Variants in UGT2A1 observed in about 807,000 individuals in gnomAD.
UGT2A1 encodes UDP-glucuronosyltransferase 2A1.
UGT2A1 carries 61 observed loss-of-function variants against 45.4 expected under a neutral mutation model. The observed-to-expected ratio is 1.34, with a 90% CI of 1.09 to 1.66. The LOEUF (loss-of-function observed/expected upper bound fraction) is 1.66. Among genes scored for constraint, UGT2A1 ranks in the 40% most tolerant of loss-of-function variants. UGT2A1 has a pLI of 0.00. For synonymous variants in UGT2A1, 229 were observed against 196.2 expected, an observed-to-expected ratio of 1.17 and a Z score of -1.40; for missense variants, 649 against 574.3, an observed-to-expected ratio of 1.13 and a Z score of -1.33.
chr4:69,610,808 A>G (rs563050899), intron 3 of UGT2A1, among the ~76,000 whole-genome samples: 32 of 152,336 alleles, frequency 2.1e-4, no homozygotes, highest in African/African-American at 7.7e-4. Context: ...ACGTCTAGCC[A>G]TCAGAACTGT....
intron 2 of UGT2A1, chr4:69,639,603 A>G (rs1456344405): frequency 6.2e-7 from 1 of 1,606,016 alleles, no homozygotes; most frequent in South Asian, 1.1e-5. Flanking sequence ...CATCTGGACA[A>G]ACTTCTTAGG....
chr4:69,647,369 CA>C lies in UGT2A1; in HGVS notation c.275del (p.Leu92Ter). 1 of 1,613,248 alleles carries C rather than the reference CA, an allele frequency of 6.2e-7. No individual in the cohort carries two copies. The highest frequency in any genetic ancestry group is 8.5e-7 in the Non-Finnish European group (1 of 1,179,508). On this transcript the variant is annotated frameshift_variant, in exon 2 of 7. Transcript: ENST00000286604. LOFTEE classifies it high-confidence loss of function. ...GAGATGGTCTATTTTCCAGCCATGTCAAAACGAAGTCCTTAATTACTCCTTC... is the reference window on the plus strand; with the variant it reads ...GAGATGGTCTATTTTCCAGCCATGTCAAACGAAGTCCTTAATTACTCCTTC... ...RIEGVIKDFV[L>X]TWLENRPSPS...
rs11732515 is a variant in UGT2A1, at chr4:69,595,393, G to A, written c.997-144C>T. The A allele has an allele frequency of 4.6e-6, 4 of 865,590 alleles. No individual in the cohort carries two copies. In the East Asian group the frequency reaches 7.9e-5, roughly 17 times the overall value. The allele number at this position is 865,590 out of a possible 1,614,324, so 53.6% of individuals were successfully genotyped here. A position where few individuals can be genotyped will look rare whatever the true frequency, so the allele number is the denominator to read the frequency against. On this transcript the variant is annotated intron_variant, in intron 4 of 6. Transcript: ENST00000286604. ...TAGTTTACAAACGTTGAGATACGTA[G>A]TAGGACTGTTTATATGTACCTTTTT...
chr4:69,640,041 C>G (rs533269598), intron 2 of UGT2A1, among the ~76,000 whole-genome samples: 2 of 152,028 alleles, frequency 1.3e-5, no homozygotes, highest in Admixed American at 6.6e-5. Context: ...TATAGAATAG[C>G]TTTCTTCTCC....
intron 3 of UGT2A1, among the ~76,000 whole-genome samples, chr4:69,605,638 G>T (rs773714205): frequency 2.9e-5 from 4 of 136,306 alleles, no homozygotes; most frequent in Non-Finnish European, 4.7e-5. Context: ...CCAGGAGCTG[G>T]TTTTTTGAAA....
chr4:69,638,192 AGAG>A (rs1449839969), intron 2 of UGT2A1, among the ~76,000 whole-genome samples: 1 of 152,114 alleles, frequency 6.6e-6, no homozygotes, highest in African/African-American at 2.4e-5. Flanking sequence ...CCGAGTACTA[AGAG>A]ATCTGGAGGC....
At chr4:69,627,213 C>G (rs1188230303) in intron 3 of UGT2A1, among the ~76,000 whole-genome samples, 1 of 151,540 alleles carries the variant, frequency 6.6e-6, no homozygotes, top group African/African-American at 2.4e-5. Context: ...CAATGTTTAC[C>G]TATTTGATAA....
chr4:69,628,842 C>A (rs1721234634), intron 3 of UGT2A1, among the ~76,000 whole-genome samples: 1 of 151,064 alleles, frequency 6.6e-6, no homozygotes, highest in South Asian at 2.1e-4. Flanking sequence ...CTTTTACATA[C>A]TATTATGGTC....
intron 2 of UGT2A1, chr4:69,639,006 T>C (rs1721887997): frequency 3.1e-6 from 5 of 1,613,302 alleles, no homozygotes; most frequent in Non-Finnish European, 3.4e-6. Context: ...AAAGGTCATC[T>C]GGTCAGTGAG....
chr4:69,595,198 G>C lies in UGT2A1; in HGVS notation c.1048C>G (p.Gln350Glu), dbSNP rs1163322219. 1 of 1,613,836 alleles carries C rather than the reference G, an allele frequency of 6.2e-7. No individual in the cohort carries two copies. Among genetic ancestry groups the C allele is most frequent in the South Asian group, 1.1e-5 (1 of 91,074 alleles). ...TTCTGGGGTATCCAATCAAAGAGCT[G>C]AGTATTGTTTCCTAATGTGGCTGGT... ...KKPATLGNNT[Q>E]LFDWIPQNDL... The change falls in exon 5 of 7, where the codon CAG (glutamine) becomes GAG (glutamate). Residue 350 changes from glutamine (Q) to glutamate (E), a missense_variant. Physicochemically the swap from Gln to Glu is conservative, Grantham distance 29. Coordinates refer to ENST00000286604, the MANE Select transcript of UGT2A1 (RefSeq NM_001252275.3).
intron 3 of UGT2A1, among the ~76,000 whole-genome samples, chr4:69,602,625 C>G (rs1719361949): frequency 1.5e-5 from 2 of 137,102 alleles, no homozygotes; most frequent in South Asian, 4.7e-4. Flanking sequence ...AATTTCTGTG[C>G]ACAAGTAAAC....
intron 2 of UGT2A1, among the ~76,000 whole-genome samples, chr4:69,645,342 G>T (rs1173510368): frequency 1.3e-5 from 2 of 151,602 alleles, no homozygotes; most frequent in African/African-American, 4.8e-5. Flanking sequence ...TCGCTATCAG[G>T]GTTGATTGGG....
chr4:69,628,690 AT>A (rs1437339748), intron 3 of UGT2A1, among the ~76,000 whole-genome samples: 2 of 150,146 alleles, frequency 1.3e-5, no homozygotes, highest in East Asian at 3.9e-4. Flanking sequence ...GGAGAAAAAA[AT>A]AAAAGCATTT....
intron 3 of UGT2A1, among the ~76,000 whole-genome samples, chr4:69,628,897 T>C (rs1485006975): frequency 6.6e-6 from 1 of 151,752 alleles, no homozygotes; most frequent in African/African-American, 2.4e-5. Context: ...TAAGTTATAG[T>C]CTACACTGAG....
At position 69,646,970 on chromosome 4, in the gene UGT2A1, A is replaced by G; in HGVS notation, c.675T>C (p.Thr225=). 1 of 1,602,124 alleles carries G rather than the reference A, an allele frequency of 6.2e-7. No homozygotes were observed. The highest frequency in any genetic ancestry group is 8.5e-7 in the Non-Finnish European group (1 of 1,175,636). Residue 225 remains threonine, a synonymous_variant, in exon 2 of 7, where the codon ACT becomes ACC. Transcript: ENST00000286604. ...AGTATGAATCCCATGATTTCCAAAG[A>G]GTTTCAAACATGTAGTCCTGTAGGT... is the stretch of plus-strand genomic sequence containing the variant. ...SYHLQDYMFE[T]LWKSWDSYYS...
intron 3 of UGT2A1, among the ~76,000 whole-genome samples, chr4:69,609,959 T>C (rs977278502): frequency 5.3e-5 from 8 of 152,162 alleles, no homozygotes; most frequent in African/African-American, 1.9e-4. Flanking sequence ...TGTGTTTGTA[T>C]ACATTTCAAA....
At chr4:69,631,433 T>C (rs541717695) in intron 3 of UGT2A1, among the ~76,000 whole-genome samples, 3 of 152,292 alleles carry the variant, frequency 2.0e-5, no homozygotes, top group East Asian at 3.9e-4. Flanking sequence ...TACATCATCA[T>C]AAATTTTAAA....
Position 69,631,715 on chromosome 4 carries a change from G to C in UGT2A1, c.847+3976C>G, listed in dbSNP as rs1028590187. Among the ~76,000 whole-genome samples the C allele has an allele frequency of 2.0e-5, 3 of 152,140 alleles. No homozygotes were observed. The South Asian group carries it at 6.2e-4, about 32-fold the overall frequency. On this transcript the variant is annotated intron_variant, in intron 3 of 6. Coordinates refer to ENST00000286604, the MANE Select transcript of UGT2A1 (RefSeq NM_001252275.3). Reference sequence around the variant, plus strand: ...TTATCCCAGCTGACAACCTGAAAAAGAGAACAACTGTAGCCACTACATCAG... The same window carrying C: ...TTATCCCAGCTGACAACCTGAAAAACAGAACAACTGTAGCCACTACATCAG...
chr4:69,602,805 T>A (rs1466570510), intron 3 of UGT2A1, among the ~76,000 whole-genome samples: 1 of 137,018 alleles, frequency 7.3e-6, no homozygotes, highest in Non-Finnish European at 1.6e-5. Context: ...CATAAAGATG[T>A]CCATTCTCTA....
Sources: allele counts gnomAD v4.1 joint callset (sites outside exome capture counted in the v4.1 genomes callset), GRCh38; gene constraint gnomAD v4.1.1; transcripts MANE v1.5; gene names NCBI Gene and HGNC (gene_info 2026-07-23, HGNC 2026-07-21).